The following GRM7 variants were observed in gnomAD, a reference collection of about 807,000 sequenced individuals.
GRM7 encodes metabotropic glutamate receptor 7.
GRM7 carries 35 observed loss-of-function variants against 84.5 expected under a neutral mutation model. The ratio of observed to expected loss-of-function variants is 0.41; its 90% CI spans 0.32 to 0.55. The LOEUF (loss-of-function observed/expected upper bound fraction) is 0.55. GRM7 is among the 20% of genes least tolerant of loss of function. GRM7 has a pLI of 0.19. For missense variants in GRM7, 1,003 were observed against 1,194.6 expected, an observed-to-expected ratio of 0.84 and a Z score of 2.36; for synonymous variants, 487 against 455.1, an observed-to-expected ratio of 1.07 and a Z score of -0.89.
chr3:7,472,056 T>G (rs1559346577), intron 7 of GRM7, among the ~76,000 whole-genome samples: 1 of 152,134 alleles, frequency 6.6e-6, no homozygotes, highest in Non-Finnish European at 1.5e-5. Context: ...GCTCTATTAG[T>G]TCCCAAAAGA....
chr3:7,569,603 C>T (rs564686152), intron 7 of GRM7, among the ~76,000 whole-genome samples: 83 of 152,242 alleles, frequency 5.5e-4, no homozygotes, highest in African/African-American at 1.8e-3. Flanking sequence ...TTTGTTCTTT[C>T]GCTCTTTGCA....
At chr3:7,405,276 G>A (rs1311604773) in intron 4 of GRM7, among the ~76,000 whole-genome samples, 1 of 152,152 alleles carries the variant, frequency 6.6e-6, no homozygotes, top group African/African-American at 2.4e-5. Flanking sequence ...GCTTTTTAAA[G>A]CACCAAGCTA....
intron 4 of GRM7, among the ~76,000 whole-genome samples, chr3:7,333,702 G>T (rs1444672925): frequency 1.3e-5 from 1 of 76,846 alleles, no homozygotes; most frequent in East Asian, 4.1e-4. Flanking sequence ...CCAACATAAA[G>T]AAATTAAAAA....
chr3:6,924,229 C>A (rs538372934), intron 1 of GRM7, among the ~76,000 whole-genome samples: 1 of 152,154 alleles, frequency 6.6e-6, no homozygotes, highest in African/African-American at 2.4e-5. Flanking sequence ...TGCAATGGTC[C>A]GTTTGAAAAT....
At chr3:7,401,365 A>G (rs769818477) in intron 4 of GRM7, among the ~76,000 whole-genome samples, 6 of 152,104 alleles carry the variant, frequency 3.9e-5, no homozygotes, top group Non-Finnish European at 8.8e-5. Flanking sequence ...AACAGTGTTG[A>G]CCACGTTTTG....
At chr3:7,253,640 TCA>T (rs1698090342) in intron 2 of GRM7, among the ~76,000 whole-genome samples, 1 of 116,934 alleles carries the variant, frequency 8.6e-6, no homozygotes, top group Non-Finnish European at 1.8e-5. Flanking sequence ...AAAAAAAAAA[TCA>T]CTAAATTCTC....
chr3:7,290,951 C>T (rs1699598688), intron 2 of GRM7, among the ~76,000 whole-genome samples: 1 of 152,006 alleles, frequency 6.6e-6, no homozygotes, highest in African/African-American at 2.4e-5. Flanking sequence ...AAATCTTTGT[C>T]CACCCCTCCC....
intron 2 of GRM7, among the ~76,000 whole-genome samples, chr3:7,156,459 C>G (rs940744945): frequency 1.3e-5 from 2 of 152,134 alleles, no homozygotes; most frequent in African/African-American, 4.8e-5. Flanking sequence ...CTTTGGGTGG[C>G]AACCGGATCA....
At chr3:7,456,772 C>T (rs1698033807) in intron 6 of GRM7, among the ~76,000 whole-genome samples, 1 of 151,862 alleles carries the variant, frequency 6.6e-6, no homozygotes, top group Non-Finnish European at 1.5e-5. Context: ...ATTTTTCTTC[C>T]ATATGACAGC....
intron 7 of GRM7, among the ~76,000 whole-genome samples, chr3:7,547,126 C>T (rs1250261087): frequency 5.3e-5 from 8 of 151,244 alleles, no homozygotes; most frequent in Non-Finnish European, 1.0e-4. Flanking sequence ...TGAACCCGTC[C>T]TATGCCAGAT....
chr3:6,983,528 A>G (rs1694281108), intron 1 of GRM7, among the ~76,000 whole-genome samples: 1 of 152,042 alleles, frequency 6.6e-6, no homozygotes, highest in Non-Finnish European at 1.5e-5. Flanking sequence ...GGTGAATTAT[A>G]TGTTTACTGA....
chr3:7,096,530 C>T (rs79991316), intron 1 of GRM7, among the ~76,000 whole-genome samples: 2,004 of 152,176 alleles, frequency 0.013, 43 homozygotes, highest in African/African-American at 0.045. Context: ...ATGCATCACC[C>T]TCCAGTGCAT....
rs150071313 is a variant in GRM7 at position 7,443,757 on chromosome 3, C to G, written c.1175-8850C>G. Among the ~76,000 whole-genome samples, 24 of 152,186 alleles carry G rather than the reference C, an allele frequency of 1.6e-4. No homozygotes were observed. The East Asian group carries it at 3.9e-3, about 24-fold the overall frequency. On this transcript the variant is annotated intron_variant, in intron 5 of 9. Transcript: ENST00000357716. ...CAACACTTTAGAAAACACATAGAAT[C>G]TGTTTCTTAATTTTGTGTGTTATTA...
At chr3:7,180,393 G>T (rs1262679031) in intron 2 of GRM7, among the ~76,000 whole-genome samples, 2 of 152,154 alleles carry the variant, frequency 1.3e-5, no homozygotes, top group Admixed American at 1.3e-4. Context: ...TTTCATAAGA[G>T]CCTAACACAC....
intron 5 of GRM7, among the ~76,000 whole-genome samples, chr3:7,450,991 C>T (rs932480474): frequency 5.9e-5 from 9 of 152,142 alleles, no homozygotes; most frequent in South Asian, 4.1e-4. Flanking sequence ...AGTGGCTGTC[C>T]GGAACCCTTT....
intron 6 of GRM7, among the ~76,000 whole-genome samples, chr3:7,460,684 T>C (rs1381806026): frequency 6.6e-6 from 1 of 152,220 alleles, no homozygotes; most frequent in African/African-American, 2.4e-5. Context: ...ACTCAGTTAC[T>C]GAATGTTTTG....
chr3:7,070,585 T>G (rs1402740740), intron 1 of GRM7, among the ~76,000 whole-genome samples: 1 of 152,110 alleles, frequency 6.6e-6, no homozygotes, highest in Non-Finnish European at 1.5e-5. Flanking sequence ...GATGGAAATA[T>G]CCGGATGACA....
intron 6 of GRM7, among the ~76,000 whole-genome samples, chr3:7,461,106 A>G (rs1003585200): frequency 1.3e-5 from 2 of 152,232 alleles, no homozygotes; most frequent in African/African-American, 4.8e-5. Flanking sequence ...ACATTTAAAT[A>G]CATTTTTCTT....
At chr3:7,433,971 T>C (rs978889251) in intron 5 of GRM7, among the ~76,000 whole-genome samples, 2 of 151,990 alleles carry the variant, frequency 1.3e-5, no homozygotes, top group Non-Finnish European at 2.9e-5. Context: ...ATCAACATCA[T>C]ATACCTCTCT....
Sources: gnomAD v4.1 joint callset for allele counts (sites outside exome capture counted in the v4.1 genomes callset) on GRCh38, gnomAD v4.1.1 for gene constraint, MANE v1.5 for transcripts, NCBI Gene and HGNC (gene_info 2026-07-23, HGNC 2026-07-21) for gene names.